The following MME variants were observed in gnomAD, a reference collection of about 807,000 sequenced individuals.
MME encodes the protein membrane metalloendopeptidase.
A neutral mutation model predicts 113.2 loss-of-function variants in MME; 98 were observed. The ratio of observed to expected loss-of-function variants is 0.87; its 90% CI spans 0.74 to 1.02. The LOEUF (loss-of-function observed/expected upper bound fraction) is 1.02, where lower values mean the gene tolerates loss of function less well. MME is among the 50% of genes least tolerant of loss of function. The probability of loss-of-function intolerance (pLI) is 0.00; values close to 1 mark genes in which losing one functional copy is unlikely to be tolerated. For missense variants in MME, 836 were observed against 896.0 expected (o/e 0.93, Z 0.86); for synonymous variants, 292 against 300.6 (o/e 0.97, Z 0.30).
At chr3:155,117,397 C>T (rs1231572287) in intron 7 of MME, among the ~76,000 whole-genome samples, 1 of 152,104 alleles carries the variant, frequency 6.6e-6, no homozygotes, top group Non-Finnish European at 1.5e-5. Context: ...GGATTTTAAA[C>T]ATCATTTTTT....
intron 3 of MME, among the ~76,000 whole-genome samples, chr3:155,094,779 A>T (rs1468398898): frequency 6.6e-6 from 1 of 152,208 alleles, no homozygotes; most frequent in Non-Finnish European, 1.5e-5. Flanking sequence ...GGGACACCTT[A>T]GTTTGTAAAC....
intron 8 of MME, among the ~76,000 whole-genome samples, chr3:155,126,719 G>C (rs1244951863): frequency 1.3e-5 from 2 of 152,038 alleles, no homozygotes; most frequent in Non-Finnish European, 2.9e-5. Context: ...GCATTTATTG[G>C]CTGGGCGCAG....
At chr3:155,066,363 G>A (rs1424006096) in intron 1 of MME, among the ~76,000 whole-genome samples, 1 of 152,076 alleles carries the variant, frequency 6.6e-6, no homozygotes, top group Non-Finnish European at 1.5e-5. Context: ...TAAGTAATAT[G>A]AGTTGCTCTA....
intron 3 of MME, among the ~76,000 whole-genome samples, chr3:155,106,129 T>C (rs1559920578): frequency 6.6e-6 from 1 of 152,376 alleles, no homozygotes; most frequent in East Asian, 1.9e-4. Flanking sequence ...AGTACAGCTG[T>C]ACAGAGTAAA....
chr3:155,071,732 T>C (rs1714563573), intron 1 of MME, among the ~76,000 whole-genome samples: 2 of 152,214 alleles, frequency 1.3e-5, no homozygotes, highest in African/African-American at 4.8e-5. Context: ...TCCAGTTGCC[T>C]GATACTGTAG....
chr3:155,063,441 TTTTA>T (rs1430062364), intron 1 of MME, among the ~76,000 whole-genome samples: 3 of 104,532 alleles, frequency 2.9e-5, no homozygotes, highest in Admixed American at 2.4e-4. Context: ...TATTATATAT[TTTTA>T]TTTAATATAT....
intron 3 of MME, among the ~76,000 whole-genome samples, chr3:155,109,534 T>G (rs993006476): frequency 6.6e-6 from 1 of 152,226 alleles, no homozygotes; most frequent in African/African-American, 2.4e-5. Context: ...ATTTGCAGAC[T>G]GAAAAGGCAA....
intron 8 of MME, among the ~76,000 whole-genome samples, chr3:155,120,292 T>G (rs959069966): frequency 8.9e-6 from 1 of 112,246 alleles, no homozygotes; most frequent in African/African-American, 3.1e-5. Context: ...TTTGTTTAAG[T>G]TCATTGTAGA....
At chr3:155,058,059 C>T (rs927968567) in intron 1 of MME, among the ~76,000 whole-genome samples, 3 of 151,578 alleles carry the variant, frequency 2.0e-5, no homozygotes, top group African/African-American at 7.3e-5. Context: ...ACTATATATT[C>T]GAAGGTACAC....
intron 1 of MME, among the ~76,000 whole-genome samples, chr3:155,044,499 T>C (rs1330666749): frequency 2.0e-5 from 3 of 152,052 alleles, no homozygotes; most frequent in African/African-American, 7.2e-5. Flanking sequence ...AAAGATTATA[T>C]ATTATTATTG....
intron 3 of MME, among the ~76,000 whole-genome samples, chr3:155,107,182 C>T (rs1011778108): frequency 6.6e-6 from 1 of 151,984 alleles, no homozygotes. Flanking sequence ...GGTGAAACCC[C>T]GTCTCTACTA....
At chr3:155,070,630 T>G (rs1376021263) in intron 1 of MME, among the ~76,000 whole-genome samples, 1 of 152,148 alleles carries the variant, frequency 6.6e-6, no homozygotes, top group African/African-American at 2.4e-5. Context: ...AGTCTAAAAT[T>G]TAGATATTTC....
chr3:155,150,981 G>A (rs1721879559), intron 16 of MME, among the ~76,000 whole-genome samples: 1 of 152,002 alleles, frequency 6.6e-6, no homozygotes, highest in Non-Finnish European at 1.5e-5. Context: ...TTTTGAACCT[G>A]CTTAATAGTA....
intron 1 of MME, among the ~76,000 whole-genome samples, chr3:155,053,313 G>C (rs1470092529): frequency 6.6e-6 from 1 of 152,146 alleles, no homozygotes; most frequent in East Asian, 1.9e-4. Flanking sequence ...ACATACTCAA[G>C]ACTGGGTAAT....
At chr3:155,095,124 A>C (rs1716629462) in intron 3 of MME, among the ~76,000 whole-genome samples, 1 of 152,226 alleles carries the variant, frequency 6.6e-6, no homozygotes, top group Non-Finnish European at 1.5e-5. Context: ...CCATACTACT[A>C]AACCTTCCAT....
chr3:155,042,296 C>A (rs920001784), intron 1 of MME, among the ~76,000 whole-genome samples: 9 of 152,064 alleles, frequency 5.9e-5, no homozygotes, highest in Non-Finnish European at 7.4e-5. Context: ...GTGTGTCTAG[C>A]TAATTACTTT....
At chr3:155,172,076 G>A (rs1376640669) in intron 20 of MME, 41 bp from the exon 21 acceptor site, 2 of 1,155,676 alleles carry the variant, frequency 1.7e-6, no homozygotes, top group East Asian at 2.4e-5. Flanking sequence ...TATAACCTTA[G>A]GAATTAATAT....
intron 21 of MME, 125 bp downstream of exon 21, chr3:155,172,337 T>C (rs1712062575): frequency 1.2e-6 from 1 of 811,140 alleles, no homozygotes; most frequent in Non-Finnish European, 2.1e-6. Flanking sequence ...ACTTTCATTG[T>C]TTATAATAGA....
chr3:155,107,975 C>T (rs1482836118), intron 3 of MME, among the ~76,000 whole-genome samples: 1 of 152,136 alleles, frequency 6.6e-6, no homozygotes, highest in Non-Finnish European at 1.5e-5. Context: ...GGATAAACAT[C>T]GTTCAGGCAT....
Sources: gnomAD v4.1 joint callset for allele counts (sites outside exome capture counted in the v4.1 genomes callset) on GRCh38, gnomAD v4.1.1 for gene constraint, MANE v1.5 for transcripts, NCBI Gene and HGNC (gene_info 2026-07-23, HGNC 2026-07-21) for gene names.